The following PALLD variants were observed in gnomAD, a reference collection of about 807,000 sequenced individuals.
The protein encoded by PALLD is palladin, cytoskeletal associated protein.
PALLD carries 61 observed loss-of-function variants against 123.5 expected under a neutral mutation model. That is an observed-to-expected ratio of 0.49 (90% CI 0.40 to 0.61). The LOEUF is 0.61. PALLD is among the 20% of genes least tolerant of loss of function. The probability of loss-of-function intolerance (pLI) is 0.00; values close to 1 mark genes in which losing one functional copy is unlikely to be tolerated. For synonymous variants in PALLD, 465 were observed against 496.4 expected (o/e 0.94, Z 0.84); for missense variants, 1,273 against 1,377.0 (o/e 0.92, Z 1.20).
At chr4:168,556,786 AGT>A (rs1316121839) in intron 2 of PALLD, among the ~76,000 whole-genome samples, 1 of 152,218 alleles carries the variant, frequency 6.6e-6, no homozygotes, top group East Asian at 1.9e-4. Flanking sequence ...TGGGAGGAAA[AGT>A]GTCACACCTT....
At chr4:168,602,276 T>C (rs1362603843) in intron 2 of PALLD, among the ~76,000 whole-genome samples, 1 of 152,190 alleles carries the variant, frequency 6.6e-6, no homozygotes, top group Non-Finnish European at 1.5e-5. Flanking sequence ...CCACCATTTG[T>C]TGAATGCCTA....
intron 2 of PALLD, among the ~76,000 whole-genome samples, chr4:168,538,105 C>T (rs1765263079): frequency 6.6e-6 from 1 of 152,124 alleles, no homozygotes; most frequent in African/African-American, 2.4e-5. Context: ...TATACATAGG[C>T]ATCATAAGTA....
At chr4:168,921,197 G>A (rs1761414277) in intron 17 of PALLD, among the ~76,000 whole-genome samples, 1 of 152,022 alleles carries the variant, frequency 6.6e-6, no homozygotes. Flanking sequence ...CCTGAGGTCA[G>A]GAGTTCAAGA....
chr4:168,832,278 G>A, intron 10 of PALLD: 1 of 781,402 alleles, frequency 1.3e-6, no homozygotes, highest in Non-Finnish European at 1.6e-6. Flanking sequence ...CTCGGGACAG[G>A]GTGGGGGCGG....
intron 2 of PALLD, among the ~76,000 whole-genome samples, chr4:168,611,478 T>C (rs989322794): frequency 1.1e-4 from 16 of 152,184 alleles, no homozygotes; most frequent in African/African-American, 3.4e-4. Flanking sequence ...CTCTTCTTCT[T>C]GTTAACATAC....
intron 10 of PALLD, among the ~76,000 whole-genome samples, chr4:168,874,933 A>G (rs1012812570): frequency 6.6e-6 from 1 of 152,170 alleles, no homozygotes; most frequent in Non-Finnish European, 1.5e-5. Flanking sequence ...AGAGCGGGGA[A>G]AAAAGAAGCT....
chr4:168,630,758 C>CA, intron 2 of PALLD, among the ~76,000 whole-genome samples: 1 of 152,192 alleles, frequency 6.6e-6, no homozygotes, highest in East Asian at 1.9e-4. Context: ...CAATGACAAG[C>CA]AGTTCTGGGA....
At chr4:168,650,473 G>A (rs570623843) in intron 2 of PALLD, among the ~76,000 whole-genome samples, 136 of 152,274 alleles carry the variant, frequency 8.9e-4, no homozygotes, top group Non-Finnish European at 8.4e-4. Flanking sequence ...CATAATGGCC[G>A]TTTCCTTTTT....
chr4:168,877,553 A>G (rs1039065636), intron 10 of PALLD, among the ~76,000 whole-genome samples: 1 of 152,218 alleles, frequency 6.6e-6, no homozygotes, highest in Non-Finnish European at 1.5e-5. Flanking sequence ...CGCTTGGTCC[A>G]GAATGAACTG....
At chr4:168,601,499 AC>A (rs1772651575) in intron 2 of PALLD, among the ~76,000 whole-genome samples, 1 of 152,186 alleles carries the variant, frequency 6.6e-6, no homozygotes, top group African/African-American at 2.4e-5. Context: ...GACCACATTG[AC>A]AAACCTGCCT....
At position 168,511,536 on chromosome 4, in the gene PALLD, A is replaced by G. The variant is rs1401572478; in HGVS notation, c.32A>G (p.Tyr11Cys). 2.5e-6 allele frequency: 4 copies of G among 1,614,066 alleles called. No homozygotes were observed. The South Asian group carries it at 3.3e-5, about 13-fold the overall frequency. The change falls in exon 2 of 22, where the codon TAT becomes TGT. Residue 11 changes from tyrosine (Y) to cysteine (C), a missense_variant. Transcript: ENST00000505667. ...GGGACCTCCTCCCATGAGTCCTTCT[A>G]TGACTCCCTCTCAGACATGCAGGAA... is the stretch of plus-strand genomic sequence containing the variant. MSGTSSHESF[Y>C]DSLSDMQEES...
At chr4:168,523,604 T>C (rs1763779585) in intron 2 of PALLD, among the ~76,000 whole-genome samples, 1 of 152,148 alleles carries the variant, frequency 6.6e-6, no homozygotes, top group African/African-American at 2.4e-5. Flanking sequence ...AGAAGGATAG[T>C]AATGAGAAGG....
intron 3 of PALLD, among the ~76,000 whole-genome samples, chr4:168,675,239 A>G (rs1027750280): frequency 1.3e-5 from 2 of 152,156 alleles, no homozygotes; most frequent in Non-Finnish European, 2.9e-5. Context: ...GATAAAGAGG[A>G]TTGGGGTCAG....
chr4:168,685,401 TC>T, intron 5 of PALLD, 83 bp from the exon 6 acceptor site: 1 of 852,206 alleles, frequency 1.2e-6, no homozygotes. Context: ...AAGTGGGTGA[TC>T]CCCATAATGA....
At chr4:168,708,967 C>T (rs1784468916) in intron 8 of PALLD, 61 bp from the exon 9 acceptor site, 11 of 1,546,228 alleles carry the variant, frequency 7.1e-6, no homozygotes, top group Non-Finnish European at 8.9e-6. Context: ...GAGGGTCTCA[C>T]TTCTTAAAAG....
At chr4:168,501,542 A>G (rs1422213535) in intron 1 of PALLD, among the ~76,000 whole-genome samples, 2 of 152,216 alleles carry the variant, frequency 1.3e-5, no homozygotes, top group East Asian at 3.8e-4. Context: ...CTGCCTGTTG[A>G]CAATTCAAGG....
At chr4:168,518,879 G>A (rs1763260143) in intron 2 of PALLD, among the ~76,000 whole-genome samples, 1 of 152,174 alleles carries the variant, frequency 6.6e-6, no homozygotes, top group South Asian at 2.1e-4. Context: ...TGTCTGGCAT[G>A]TAACAGGTGC....
rs532412511 is a variant in PALLD, at chr4:168,914,116, A to T, written c.2717+95A>T. The stretch of plus-strand genomic sequence containing the variant: ...AATCATCATATGACCACAAAAGTAA[A>T]CATAACTGGAAGATAGAATAGGAAT... On this transcript the variant is annotated intron_variant, in intron 16 of 21. Coordinates refer to ENST00000505667, the MANE Select transcript of PALLD (RefSeq NM_001166108.2). The T allele has an allele frequency of 2.6e-4, 205 of 803,722 alleles. No individual in the cohort carries two copies. The Admixed American group carries it at 4.0e-3, about 15-fold the overall frequency. The allele number at this position is 803,722 out of a possible 1,614,324, so 49.8% of individuals were successfully genotyped here.
intron 10 of PALLD, among the ~76,000 whole-genome samples, chr4:168,771,071 AAAAAC>A (rs1226596188): frequency 9.9e-5 from 10 of 100,842 alleles, no homozygotes; most frequent in Non-Finnish European, 1.8e-4. Flanking sequence ...TCAAAAAAAA[AAAAAC>A]AAAAAAAAAA....
Sources: gnomAD v4.1 joint callset for allele counts (sites outside exome capture counted in the v4.1 genomes callset) on GRCh38, gnomAD v4.1.1 for gene constraint, MANE v1.5 for transcripts, NCBI Gene and HGNC (gene_info 2026-07-23, HGNC 2026-07-21) for gene names.